Variants in SPINT4 observed in about 807,000 individuals in gnomAD.
The protein encoded by SPINT4 is serine peptidase inhibitor, Kunitz type 4.
In SPINT4, 7 loss-of-function variants were observed where a neutral mutation model predicts 9.4. The observed-to-expected ratio is 0.74, with a 90% CI of 0.42 to 1.40. The LOEUF (loss-of-function observed/expected upper bound fraction) is 1.40. Among genes scored for constraint, SPINT4 ranks in the 40% most tolerant of loss-of-function variants. The pLI is 0.01. For missense variants in SPINT4, 105 were observed against 114.4 expected, an observed-to-expected ratio of 0.92 and a Z score of 0.37; for synonymous variants, 36 against 39.9, an observed-to-expected ratio of 0.90 and a Z score of 0.37.
Position 45,722,436 on chromosome 20 carries a change from G to C in SPINT4, c.69G>C (p.Leu23Phe). ...TCTGCTCATTGAATACCCTGTTATT[G>C]GGTGGTGTTAATAAAATTGCGGAGA... ...FIFCSLNTLL[L>F]GGVNKIAEKI... The change falls in exon 1 of 3, where the codon TTG becomes TTC. Residue 23 changes from leucine (L) to phenylalanine (F), a missense_variant. Physicochemically the swap from Leu to Phe is conservative, Grantham distance 22. Transcript: ENST00000279058. 6.2e-7 allele frequency: 1 copy of C among 1,613,694 alleles called. No homozygotes were observed. Among genetic ancestry groups the C allele is most frequent in the Non-Finnish European group, 8.5e-7 (1 of 1,179,612 alleles).
chr20:45,723,511 TAAAAG>T (rs1351902797), intron 1 of SPINT4, among the ~76,000 whole-genome samples: 1 of 152,024 alleles, frequency 6.6e-6, no homozygotes. Context: ...TGTGGGCAAT[TAAAAG>T]GAAAGGAAGA....
At position 45,725,013 on chromosome 20, in the gene SPINT4, T is replaced by TATATATACACATATATATACAC. The variant is rs772192688; in HGVS notation, c.294-609_294-608insCACATATATATACACATATATA. On this transcript the variant is annotated intron_variant, in intron 2 of 2. Transcript: ENST00000279058. ...AAAAAAAAATATATATATATATATA[T>TATATATACACATATATATACAC]ATATATATATATATCAATAGATATA... Among the ~76,000 whole-genome samples, 10 of 49,506 alleles carry TATATATACACATATATATACAC rather than the reference T, an allele frequency of 2.0e-4. 1 individual carries two copies. Among genetic ancestry groups the TATATATACACATATATATACAC allele is most frequent in the Non-Finnish European group, 3.0e-4 (9 of 30,098 alleles). The allele number at this position is 49,506 out of a possible 152,430, so 32.5% of individuals were successfully genotyped here. A position where few individuals can be genotyped will look rare whatever the true frequency, so the allele number is the denominator to read the frequency against.
chr20:45,725,492 A>G, intron 2 of SPINT4, 137 bp from the exon 3 acceptor site: 1 of 882,154 alleles, frequency 1.1e-6, no homozygotes, highest in Non-Finnish European at 1.9e-6. Flanking sequence ...AAGATTAATC[A>G]ATAAAATAAG....
Position 45,724,027 on chromosome 20 carries a change from A to G in SPINT4, c.263A>G (p.Glu88Gly). The change falls in exon 2 of 3, where the codon GAA becomes GGA. Residue 88 changes from glutamate to glycine, a missense_variant. By Grantham distance (98) the Glu-to-Gly change is moderately conservative (BLOSUM62 -2). Coordinates refer to ENST00000279058, the MANE Select transcript of SPINT4 (RefSeq NM_178455.3). ...LNNFKLKIEREVACVAKYKPP... is the reference protein window; with the variant it reads ...LNNFKLKIERGVACVAKYKPP... ...AACTTCAAGCTTAAAATAGAACGTG[A>G]AGTAGCCTGTGTTGCAAAATACAAA... 6.2e-7 allele frequency: 1 copy of G among 1,609,916 alleles called. No individual in the cohort carries two copies. The highest frequency in any genetic ancestry group is 8.5e-7 in the Non-Finnish European group (1 of 1,178,868).
chr20:45,725,026 A>C (rs232260), intron 2 of SPINT4, among the ~76,000 whole-genome samples: 5,435 of 122,152 alleles, frequency 0.044, 655 homozygotes, highest in East Asian at 0.24. Context: ...ATATATATAT[A>C]TCAATAGATA....
chr20:45,725,321 G>A (rs1224191785), intron 2 of SPINT4, among the ~76,000 whole-genome samples: 1 of 151,884 alleles, frequency 6.6e-6, no homozygotes, highest in African/African-American at 2.4e-5. Flanking sequence ...GCCTAACAGG[G>A]CTGTGGTTTG....
At chr20:45,724,413 G>A (rs890113622) in intron 2 of SPINT4, among the ~76,000 whole-genome samples, 8 of 151,150 alleles carry the variant, frequency 5.3e-5, no homozygotes, top group Admixed American at 4.0e-4. Flanking sequence ...ACTTGAACCC[G>A]GGAGGGTTCA....
Position 45,722,428 on chromosome 20 carries a change from C to G in SPINT4, c.61C>G (p.Leu21Val). 1.2e-6 allele frequency: 2 copies of G among 1,613,778 alleles called. No homozygotes were observed. Among genetic ancestry groups the G allele is most frequent in the South Asian group, 1.1e-5 (1 of 91,078 alleles). ...CTTCATCTTCTGCTCATTGAATACC[C>G]TGTTATTGGGTGGTGTTAATAAAAT... Reference protein sequence around the residue: ...RFFIFCSLNTLLLGGVNKIAE... With the variant: ...RFFIFCSLNTVLLGGVNKIAE... The change falls in exon 1 of 3, where the codon CTG becomes GTG. Residue 21 changes from leucine to valine, a missense_variant. Physicochemically the swap from Leu to Val is conservative, Grantham distance 32. Transcript: ENST00000279058.
intron 1 of SPINT4, among the ~76,000 whole-genome samples, chr20:45,722,866 C>T (rs1447156242): frequency 6.6e-6 from 1 of 152,072 alleles, no homozygotes; most frequent in Non-Finnish European, 1.5e-5. Flanking sequence ...GGGCTATGGA[C>T]ATATACAGAA....
At chr20:45,725,039 T>C (rs1201257381) in intron 2 of SPINT4, among the ~76,000 whole-genome samples, 1 of 137,034 alleles carries the variant, frequency 7.3e-6, no homozygotes, top group African/African-American at 2.8e-5. Context: ...AATAGATATA[T>C]ATCATTATTT....
intron 1 of SPINT4, among the ~76,000 whole-genome samples, chr20:45,722,990 G>A (rs1984837607): frequency 6.6e-6 from 1 of 152,070 alleles, no homozygotes; most frequent in Admixed American, 6.5e-5. Context: ...GGACGAGAAA[G>A]TAGCACAGTT....
chr20:45,724,275 G>T (rs971209196), intron 2 of SPINT4, among the ~76,000 whole-genome samples: 2 of 151,642 alleles, frequency 1.3e-5, no homozygotes, highest in South Asian at 2.1e-4. Context: ...TATCACCTGA[G>T]GTCAGGAGTT....
chr20:45,725,684 C>A lies in SPINT4; in HGVS notation c.*49C>A. ...TCTGCTGCACCATCCGAAATAAAGA[C>A]ACAAGAAAATTCAGACTGATTTTGA... On this transcript the variant is annotated 3_prime_UTR_variant, in exon 3 of 3. Coordinates refer to ENST00000279058, the MANE Select transcript of SPINT4 (RefSeq NM_178455.3). 6.2e-7 allele frequency: 1 copy of A among 1,607,978 alleles called. No homozygotes were observed. The highest frequency in any genetic ancestry group is 8.5e-7 in the Non-Finnish European group (1 of 1,174,504).
At chr20:45,725,484 G>A in intron 2 of SPINT4, 145 bp from the exon 3 acceptor site, 1 of 844,832 alleles carries the variant, frequency 1.2e-6, no homozygotes, top group Non-Finnish European at 2.0e-6. Context: ...AAAAGTGAAA[G>A]ATTAATCAAT....
At chr20:45,723,418 C>G (rs6017664) in intron 1 of SPINT4, among the ~76,000 whole-genome samples, 70,485 of 151,762 alleles carry the variant, frequency 0.46, 18,026 homozygotes, top group African/African-American at 0.67. Context: ...ATAGCAGCAG[C>G]CATGGTTACT....
intron 1 of SPINT4, among the ~76,000 whole-genome samples, chr20:45,723,236 T>C (rs1441143769): frequency 6.6e-6 from 1 of 152,096 alleles, no homozygotes; most frequent in East Asian, 1.9e-4. Flanking sequence ...GGATTGTCAA[T>C]ACAACCATGA....
In SPINT4 at chr20:45,724,011, C is replaced by A. The variant is rs756339770; in HGVS notation, c.247C>A (p.Leu83Ile). ...GCNGNLNNFK[L>I]KIEREVACVA... is the part of the protein sequence containing the mutation. Reference sequence around the variant, plus strand: ...TAATGGCAACCTTAACAACTTCAAGCTTAAAATAGAACGTGAAGTAGCCTG... The same window carrying A: ...TAATGGCAACCTTAACAACTTCAAGATTAAAATAGAACGTGAAGTAGCCTG... Residue 83 changes from leucine to isoleucine, a missense_variant, in exon 2 of 3, where the codon CTT becomes ATT. Physicochemically the swap from Leu to Ile is conservative, Grantham distance 5. Transcript: ENST00000279058. 1 of 1,610,490 alleles carries A rather than the reference C, an allele frequency of 6.2e-7. No individual in the cohort carries two copies. The highest frequency in any genetic ancestry group is 8.5e-7 in the Non-Finnish European group (1 of 1,179,044).
rs1448546395 is a variant in SPINT4 at position 45,724,978 on chromosome 20, T to C, written c.294-651T>C. 3.4e-4 allele frequency among the ~76,000 whole-genome samples: 3 copies of C among 8,760 alleles called. 1 individual carries two copies. The African/African-American group carries it at 7.2e-3, about 21-fold the overall frequency. 5.7% of individuals were successfully genotyped at this position (8,760 alleles called of 152,430 possible). A position where few individuals can be genotyped will look rare whatever the true frequency, so the allele number is the denominator to read the frequency against. ...CTGGGAGACAAAGTGAGACTCCATCTCAAAAAAAAAAAAAAAAATATATAT... is the reference window on the plus strand; with the variant it reads ...CTGGGAGACAAAGTGAGACTCCATCCCAAAAAAAAAAAAAAAAATATATAT... On this transcript the variant is annotated intron_variant, in intron 2 of 2. Coordinates refer to ENST00000279058, the MANE Select transcript of SPINT4 (RefSeq NM_178455.3).
chr20:45,725,348 A>C lies in SPINT4; in HGVS notation c.294-281A>C, dbSNP rs186048515. ...TGTGGTTTGGCTGATTCCCAGGAGAACTGGCTGGAGAGTGGCCTTGGGAGT... is the reference window on the plus strand; with the variant it reads ...TGTGGTTTGGCTGATTCCCAGGAGACCTGGCTGGAGAGTGGCCTTGGGAGT... On this transcript the variant is annotated intron_variant, in intron 2 of 2. Coordinates refer to ENST00000279058, the MANE Select transcript of SPINT4 (RefSeq NM_178455.3). Among the ~76,000 whole-genome samples the C allele has an allele frequency of 1.4e-3, 212 of 152,076 alleles. 3 individuals are homozygous for C. The highest frequency in any genetic ancestry group is 2.4e-3 in the Non-Finnish European group (162 of 67,948).
Sources: allele counts gnomAD v4.1 joint callset (sites outside exome capture counted in the v4.1 genomes callset), GRCh38; gene constraint gnomAD v4.1.1; transcripts MANE v1.5; gene names NCBI Gene and HGNC (gene_info 2026-07-23, HGNC 2026-07-21).